The following DYNLL1 variants were observed in gnomAD, a reference collection of about 807,000 sequenced individuals.
The protein encoded by DYNLL1 is dynein light chain LC8-type 1, also known as dynein light chain 1, cytoplasmic.
Under a neutral mutation model 10.1 loss-of-function variants are expected in DYNLL1, and 3 were observed. The observed-to-expected ratio is 0.30, with a 90% CI of 0.14 to 0.77. DYNLL1 has a LOEUF of 0.77. Ranked by LOEUF, DYNLL1 falls within the 30% of genes least tolerant of loss-of-function variation. DYNLL1 has a pLI of 0.66. For missense variants in DYNLL1, 47 were observed against 111.7 expected (o/e 0.42, Z 2.61); for synonymous variants, 46 against 41.2 (o/e 1.12, Z -0.45).
At chr12:120,479,168 A>G (rs1878821525) in intron 1 of DYNLL1, among the ~76,000 whole-genome samples, 1 of 150,930 alleles carries the variant, frequency 6.6e-6, no homozygotes, top group Non-Finnish European at 1.5e-5. Flanking sequence ...CGTGTAAAAA[A>G]TAATAGTAAT....
Position 120,496,234 on chromosome 12 carries a change from C to G in DYNLL1, c.-7+18C>G, listed in dbSNP as rs1868390608. ...TCTCCACGGTGAGAAACTCGGGGGGCCAGGGGGTGTCCTCGCTGCCTTATT... is the reference window on the plus strand; with the variant it reads ...TCTCCACGGTGAGAAACTCGGGGGGGCAGGGGGTGTCCTCGCTGCCTTATT... On this transcript the variant is annotated intron_variant, in intron 1 of 2. Transcript: ENST00000242577. 2 of 844,088 alleles carry G rather than the reference C, an allele frequency of 2.4e-6. No individual in the cohort carries two copies. The highest frequency in any genetic ancestry group is 3.7e-6 in the Non-Finnish European group (2 of 546,868). 52.3% of individuals were successfully genotyped at this position (844,088 alleles called of 1,614,324 possible). A position where few individuals can be genotyped will look rare whatever the true frequency, so the allele number is the denominator to read the frequency against.
chr12:120,497,707 C>A, intron 2 of DYNLL1: 1 of 172,612 alleles, frequency 5.8e-6, no homozygotes, highest in South Asian at 1.6e-4. Flanking sequence ...ATGGCAAATA[C>A]AGTAGGGTAG....
At chr12:120,479,887 T>A (rs1878845527) in intron 1 of DYNLL1, among the ~76,000 whole-genome samples, 1 of 152,202 alleles carries the variant, frequency 6.6e-6, no homozygotes, top group Non-Finnish European at 1.5e-5. Context: ...ATGTCAGTCC[T>A]AAGTATTTCA....
intron 1 of DYNLL1, among the ~76,000 whole-genome samples, chr12:120,471,017 C>A (rs1234932758): frequency 6.6e-6 from 1 of 151,668 alleles, no homozygotes; most frequent in African/African-American, 2.4e-5. Flanking sequence ...TGCACTTCAG[C>A]CTGGGTGACA....
intron 1 of DYNLL1, among the ~76,000 whole-genome samples, chr12:120,486,658 G>A (rs1879000548): frequency 6.6e-6 from 1 of 152,078 alleles, no homozygotes; most frequent in African/African-American, 2.4e-5. Context: ...ATTTTTGGTA[G>A]AGATGGGGTC....
intron 2 of DYNLL1, chr12:120,497,783 A>G: frequency 3.0e-6 from 1 of 338,008 alleles, no homozygotes; most frequent in Non-Finnish European, 5.4e-6. Context: ...AATGAATATT[A>G]TAGAAGGTAT....
At position 120,484,740 on chromosome 12, in the gene DYNLL1, CT is replaced by C. The variant is rs34764295; in HGVS notation, c.-6-11660del. ...ATTGTTTCAAGAAGTTATGCATGGA[CT>C]TTTTTTTTTTTTTTTGAGACGGAGT... On this transcript the variant is annotated intron_variant, in intron 1 of 2. Transcript: ENST00000392509. 1.9e-3 allele frequency among the ~76,000 whole-genome samples: 271 copies of C among 141,426 alleles called. 1 individual carries two copies. The highest frequency in any genetic ancestry group is 3.7e-3 in the Middle Eastern group (1 of 268). The allele number at this position is 141,426 out of a possible 152,430, so 92.8% of individuals were successfully genotyped here.
chr12:120,481,262 CTG>C (rs1452877264), intron 1 of DYNLL1, among the ~76,000 whole-genome samples: 1 of 152,132 alleles, frequency 6.6e-6, no homozygotes, highest in Non-Finnish European at 1.5e-5. Flanking sequence ...GTTCAATTAT[CTG>C]AGATCAACTG....
intron 2 of DYNLL1, 169 bp downstream of exon 2, chr12:120,496,722 C>A: frequency 9.8e-7 from 1 of 1,024,712 alleles, no homozygotes; most frequent in Non-Finnish European, 1.4e-6. Context: ...TGGAGAAGAC[C>A]AGACCCCCGG....
upstream of DYNLL1, chr12:120,493,939 A>C (rs1879201195): frequency 6.6e-6 from 1 of 152,010 alleles, no homozygotes; most frequent in African/African-American, 2.4e-5. Context: ...TTATTAATGA[A>C]CAATTACATT....
At chr12:120,470,725 G>A (rs912374069) in intron 1 of DYNLL1, among the ~76,000 whole-genome samples, 2 of 151,996 alleles carry the variant, frequency 1.3e-5, no homozygotes, top group African/African-American at 4.8e-5. Context: ...CTTGAGCCCG[G>A]CGCCCGGCTG....
At chr12:120,475,795 CAAG>C (rs2137057450) in intron 1 of DYNLL1, among the ~76,000 whole-genome samples, 1 of 152,244 alleles carries the variant, frequency 6.6e-6, no homozygotes, top group African/African-American at 2.4e-5. Context: ...CAAAAAAGGC[CAAG>C]AAACACTGAG....
intron 1 of DYNLL1, among the ~76,000 whole-genome samples, chr12:120,483,356 CAGA>C (rs1878927107): frequency 6.7e-6 from 1 of 149,882 alleles, no homozygotes; most frequent in Non-Finnish European, 1.5e-5. Flanking sequence ...AAAAAAAGGT[CAGA>C]AGAAGAGCGA....
At chr12:120,496,579 C>A in intron 2 of DYNLL1, 26 bp downstream of exon 2, 1 of 1,613,544 alleles carries the variant, frequency 6.2e-7, no homozygotes, top group Non-Finnish European at 8.5e-7. Context: ...GGGGCCGATA[C>A]GCAGCCGGGA....
At chr12:120,496,726 C>A in intron 2 of DYNLL1, 173 bp downstream of exon 2, 1 of 946,660 alleles carries the variant, frequency 1.1e-6, no homozygotes, top group Non-Finnish European at 1.5e-6. Context: ...GAAGACCAGA[C>A]CCCCGGCGTC....
intron 1 of DYNLL1, among the ~76,000 whole-genome samples, chr12:120,484,284 T>C (rs1016400330): frequency 8.4e-5 from 11 of 130,936 alleles, no homozygotes; most frequent in African/African-American, 3.2e-4. Context: ...TGGCCTTAGA[T>C]AGGAGCATGA....
At chr12:120,478,085 C>G (rs1274846314) in intron 1 of DYNLL1, among the ~76,000 whole-genome samples, 6 of 149,576 alleles carry the variant, frequency 4.0e-5, no homozygotes, top group Non-Finnish European at 8.9e-5. Flanking sequence ...AGCCACTGCA[C>G]CCGGCCAAAA....
intron 1 of DYNLL1, among the ~76,000 whole-genome samples, chr12:120,488,981 C>T (rs1052566648): frequency 9.2e-5 from 14 of 152,170 alleles, no homozygotes; most frequent in South Asian, 2.1e-4. Context: ...AAGGCTCATC[C>T]TCTACATGGC....
At chr12:120,476,474 T>C (rs1878754738) in intron 1 of DYNLL1, among the ~76,000 whole-genome samples, 1 of 152,186 alleles carries the variant, frequency 6.6e-6, no homozygotes, top group Non-Finnish European at 1.5e-5. Flanking sequence ...TCTGTGAATG[T>C]CACATTGACA....
Sources: allele counts gnomAD v4.1 joint callset (sites outside exome capture counted in the v4.1 genomes callset), GRCh38; gene constraint gnomAD v4.1.1; transcripts MANE v1.5; gene names NCBI Gene and HGNC (gene_info 2026-07-23, HGNC 2026-07-21).